Variants in BCKDHB observed in about 807,000 individuals in gnomAD.
The protein encoded by BCKDHB is branched chain keto acid dehydrogenase E1 subunit beta.
BCKDHB carries 41 observed loss-of-function variants against 48.5 expected under a neutral mutation model. That is an observed-to-expected ratio of 0.85 (90% confidence interval 0.66 to 1.10). The LOEUF is 1.10. Ranked by LOEUF, BCKDHB falls within the 50% of genes least tolerant of loss-of-function variation. The pLI is 0.00. For missense variants in BCKDHB, 496 were observed against 494.2 expected (o/e 1.00, Z -0.03); for synonymous variants, 201 against 174.8 (o/e 1.15, Z -1.18).
At chr6:80,441,371 C>T in the BCKDHB span, among the ~76,000 whole-genome samples, 1 of 152,090 alleles carries the variant, frequency 6.6e-6, no homozygotes, top group African/African-American at 2.4e-5. Flanking sequence ...CTCTTGGCTG[C>T]CAAACTCTGG....
chr6:80,196,602 G>A (rs1385948797), intron 6 of BCKDHB, among the ~76,000 whole-genome samples: 1 of 152,118 alleles, frequency 6.6e-6, no homozygotes, highest in Non-Finnish European at 1.5e-5. Context: ...TGAGTATGCA[G>A]CAACTATTCA....
the BCKDHB span, among the ~76,000 whole-genome samples, chr6:80,368,786 G>A: frequency 4.6e-5 from 7 of 152,032 alleles, no homozygotes; most frequent in East Asian, 5.8e-4. Context: ...CGAGGCGGGC[G>A]GATCACTGGA....
chr6:80,313,005 C>T (rs1768245339), intron 9 of BCKDHB, among the ~76,000 whole-genome samples: 1 of 152,124 alleles, frequency 6.6e-6, no homozygotes, highest in Non-Finnish European at 1.5e-5. Context: ...AGGAATGGTA[C>T]CAAGCTCTTC....
the BCKDHB span, among the ~76,000 whole-genome samples, chr6:80,441,962 A>T: frequency 2.0e-5 from 3 of 152,216 alleles, no homozygotes; most frequent in Non-Finnish European, 1.5e-5. Context: ...CAAAGAACAA[A>T]TATAGCGTGC....
In BCKDHB at chr6:80,345,087, A is replaced by G. The variant is rs1770137433; in HGVS notation, c.*1283A>G. 1.3e-5 allele frequency: 2 copies of G among 152,206 alleles called. No homozygotes were observed. The highest frequency in any genetic ancestry group is 6.5e-5 in the Admixed American group (1 of 15,282). 9.4% of individuals were successfully genotyped at this position (152,206 alleles called of 1,614,324 possible). A position where few individuals can be genotyped will look rare whatever the true frequency, so the allele number is the denominator to read the frequency against. On this transcript the variant is annotated 3_prime_UTR_variant, in exon 10 of 10. Coordinates refer to ENST00000320393, the MANE Select transcript of BCKDHB (RefSeq NM_183050.4). ...ACATAATGGATAATAAATGGTATTT[A>G]TTCATCATGATTTTCTAAGTAATGC... is the stretch of plus-strand genomic sequence containing the variant.
the BCKDHB span, among the ~76,000 whole-genome samples, chr6:80,391,038 A>C: frequency 2.6e-5 from 4 of 152,142 alleles, no homozygotes; most frequent in Non-Finnish European, 4.4e-5. Flanking sequence ...ATTGGACTCC[A>C]AGTTCTTCAA....
chr6:80,458,957 T>G, the BCKDHB span, among the ~76,000 whole-genome samples: 1 of 152,146 alleles, frequency 6.6e-6, no homozygotes, highest in South Asian at 2.1e-4. Context: ...TGACTATTAT[T>G]TTAAAAAACC....
At chr6:80,327,453 T>G (rs1769090342) in intron 9 of BCKDHB, among the ~76,000 whole-genome samples, 1 of 152,170 alleles carries the variant, frequency 6.6e-6, no homozygotes, top group Admixed American at 6.5e-5. Context: ...ACTGTATTAG[T>G]TCATTCTCAC....
the BCKDHB span, among the ~76,000 whole-genome samples, chr6:80,460,228 G>A: frequency 2.0e-5 from 3 of 152,094 alleles, no homozygotes; most frequent in Admixed American, 6.6e-5. Context: ...AAGTAATACT[G>A]AGCATGTCTT....
the BCKDHB span, among the ~76,000 whole-genome samples, chr6:80,425,657 A>G: frequency 7.9e-5 from 12 of 152,200 alleles, no homozygotes; most frequent in Non-Finnish European, 1.6e-4. Context: ...GAAACCTAAG[A>G]CATCTGATCA....
intron 6 of BCKDHB, among the ~76,000 whole-genome samples, chr6:80,185,942 C>G (rs1327577401): frequency 6.6e-6 from 1 of 152,158 alleles, no homozygotes; most frequent in Admixed American, 6.5e-5. Flanking sequence ...GACTTAGAAC[C>G]TCTGGTTAGT....
chr6:80,434,340 A>C, the BCKDHB span, among the ~76,000 whole-genome samples: 2 of 151,562 alleles, frequency 1.3e-5, no homozygotes, highest in African/African-American at 4.8e-5. Flanking sequence ...TTTTCAGTCT[A>C]CAAAGTAGAC....
intron 9 of BCKDHB, among the ~76,000 whole-genome samples, chr6:80,278,594 C>G (rs748415012): frequency 6.6e-6 from 1 of 152,118 alleles, no homozygotes; most frequent in Non-Finnish European, 1.5e-5. Flanking sequence ...GAGTCTCGCT[C>G]TGTCGCCCAG....
chr6:80,316,592 A>C (rs1768457406), intron 9 of BCKDHB, among the ~76,000 whole-genome samples: 1 of 152,220 alleles, frequency 6.6e-6, no homozygotes, highest in South Asian at 2.1e-4. Context: ...AAAATTATGA[A>C]ATCAAGGTAC....
chr6:80,273,205 TC>T lies in BCKDHB; in HGVS notation c.1023del (p.Ser342AlafsTer10), dbSNP rs776270090. On this transcript the variant is annotated frameshift_variant, in exon 9 of 10. Transcript: ENST00000320393. LOFTEE classifies it high-confidence loss of function. ...TTGACAGGCGGCTTTGCATCGGAAA[TC>T]AGCTCTACAGTTCAGGTAGAGTAAT... ...APLTGGFASE[I>X]SSTVQEECFL... 2 of 1,613,368 alleles carry T rather than the reference TC, an allele frequency of 1.2e-6. No homozygotes were observed. Among genetic ancestry groups the T allele is most frequent in the African/African-American group, 2.7e-5 (2 of 74,882 alleles).
intron 4 of BCKDHB, among the ~76,000 whole-genome samples, chr6:80,168,256 T>C (rs1772676710): frequency 6.6e-6 from 1 of 151,174 alleles, no homozygotes. Flanking sequence ...CTGCACTCCC[T>C]GGGTGACAGA....
intron 9 of BCKDHB, among the ~76,000 whole-genome samples, chr6:80,280,501 C>T (rs1265311259): frequency 6.6e-6 from 1 of 152,034 alleles, no homozygotes; most frequent in Non-Finnish European, 1.5e-5. Flanking sequence ...AGATGTTGGT[C>T]CCATGAGATC....
At chr6:80,286,156 A>C (rs759758316) in intron 9 of BCKDHB, among the ~76,000 whole-genome samples, 1 of 152,184 alleles carries the variant, frequency 6.6e-6, no homozygotes, top group Non-Finnish European at 1.5e-5. Context: ...TTGCTACTAG[A>C]AGATATTTGG....
At chr6:80,326,863 C>T (rs937844978) in intron 9 of BCKDHB, among the ~76,000 whole-genome samples, 1 of 151,894 alleles carries the variant, frequency 6.6e-6, no homozygotes, top group Non-Finnish European at 1.5e-5. Flanking sequence ...GAGACTCAGT[C>T]TCAAAAGAAA....
Sources: allele counts gnomAD v4.1 joint callset (sites outside exome capture counted in the v4.1 genomes callset), GRCh38; gene constraint gnomAD v4.1.1; transcripts MANE v1.5; gene names NCBI Gene and HGNC (gene_info 2026-07-23, HGNC 2026-07-21).